Variants in GALC observed in about 807,000 individuals in gnomAD.
GALC encodes the protein galactosylceramidase, also known as galactocerebrosidase.
A neutral mutation model predicts 91.8 loss-of-function variants in GALC; 77 were observed. The ratio of observed to expected loss-of-function variants is 0.84; its 90% CI spans 0.70 to 1.01. The LOEUF (loss-of-function observed/expected upper bound fraction) is 1.01, where lower values mean the gene tolerates loss of function less well. Among genes scored for constraint, GALC ranks in the 50% least tolerant of loss-of-function variants. The pLI, the probability that GALC is intolerant of heterozygous loss-of-function variation, is 0.00. For missense variants in GALC, 882 were observed against 855.9 expected (o/e 1.03, Z -0.38); for synonymous variants, 357 against 306.7 (o/e 1.16, Z -1.71).
intron 13 of GALC, among the ~76,000 whole-genome samples, chr14:87,946,242 A>C (rs1042601475): frequency 1.3e-5 from 2 of 152,074 alleles, no homozygotes; most frequent in Non-Finnish European, 1.5e-5. Context: ...GAGCATAAGA[A>C]AGGTTTACTA....
At chr14:87,944,642 G>A (rs891601298) in intron 14 of GALC, among the ~76,000 whole-genome samples, 6 of 151,994 alleles carry the variant, frequency 3.9e-5, no homozygotes, top group Non-Finnish European at 7.4e-5. Flanking sequence ...GGTTCCAGGG[G>A]CTCTGGATAA....
In GALC at chr14:87,992,030, T is replaced by C. The variant is rs559346671; in HGVS notation, c.195+940A>G. 2.5e-4 allele frequency among the ~76,000 whole-genome samples: 38 copies of C among 152,198 alleles called. No homozygotes were observed. The East Asian group carries it at 3.3e-3, about 13-fold the overall frequency. On this transcript the variant is annotated intron_variant, in intron 1 of 16. Transcript: ENST00000261304. ...ATACACATCAGCACGGCTGGAGAGATTGCAAATTAGGGAATGAAAACATAA... is the reference window on the plus strand; with the variant it reads ...ATACACATCAGCACGGCTGGAGAGACTGCAAATTAGGGAATGAAAACATAA...
intron 6 of GALC, among the ~76,000 whole-genome samples, chr14:87,980,156 G>A (rs1053043295): frequency 6.6e-6 from 1 of 152,148 alleles, no homozygotes; most frequent in Non-Finnish European, 1.5e-5. Context: ...GCCGAGGCGG[G>A]CGGATCACAA....
chr14:87,993,664 A>C (rs1887341882), upstream of GALC: 1 of 603,208 alleles, frequency 1.7e-6, no homozygotes, highest in South Asian at 2.0e-5. Context: ...GTTAATAAGC[A>C]CTCAGTACAT....
chr14:87,974,172 A>T (rs992202809), intron 7 of GALC, among the ~76,000 whole-genome samples: 4 of 152,156 alleles, frequency 2.6e-5, no homozygotes, highest in Non-Finnish European at 4.4e-5. Flanking sequence ...GAGGAACTTT[A>T]AAAAAGCAAA....
At position 87,934,095 on chromosome 14, in the gene GALC, T is replaced by C; in HGVS notation, c.*637A>G. ...GCAAATAACCCAATTAATCTGCTAA[T>C]ATCTATTACTGCAGAAATAGTGTTA... On this transcript the variant is annotated 3_prime_UTR_variant, in exon 17 of 17. Coordinates refer to ENST00000261304, the MANE Select transcript of GALC (RefSeq NM_000153.4). 1 of 1,516,398 alleles carries C rather than the reference T, an allele frequency of 6.6e-7. No homozygotes were observed. 93.9% of individuals were successfully genotyped at this position (1,516,398 alleles called of 1,614,324 possible).
chr14:87,973,194 T>C (rs1886366076), intron 7 of GALC, among the ~76,000 whole-genome samples: 2 of 152,268 alleles, frequency 1.3e-5, no homozygotes, highest in South Asian at 4.1e-4. Context: ...AGGTCATAGA[T>C]AAACATCAAC....
chr14:87,953,631 C>T, intron 10 of GALC: 1 of 1,609,748 alleles, frequency 6.2e-7, no homozygotes, highest in Middle Eastern at 2.3e-4. Flanking sequence ...AAAGAAGCTG[C>T]ACCTCTGAAG....
chr14:87,946,356 T>C (rs1018272673), intron 13 of GALC, among the ~76,000 whole-genome samples: 2 of 152,064 alleles, frequency 1.3e-5, no homozygotes, highest in Non-Finnish European at 1.5e-5. Flanking sequence ...TAAATTAAAT[T>C]ATAGTCTTAC....
At chr14:87,976,512 T>G in intron 6 of GALC, 24 bp from the exon 7 acceptor site, 1 of 1,587,234 alleles carries the variant, frequency 6.3e-7, no homozygotes, top group Non-Finnish European at 8.6e-7. Context: ...AAACAGAACA[T>G]ATGAAAGGAT....
In GALC at chr14:87,986,578, T is replaced by C; in HGVS notation, c.353A>G (p.His118Arg). 1.9e-6 allele frequency: 3 copies of C among 1,613,510 alleles called. No homozygotes were observed. Among genetic ancestry groups the C allele is most frequent in the Non-Finnish European group, 2.5e-6 (3 of 1,179,504 alleles). Residue 118 changes from histidine to arginine, a missense_variant, in exon 4 of 17, where the codon CAT becomes CGT. Coordinates refer to ENST00000261304, the MANE Select transcript of GALC (RefSeq NM_000153.4). ...TTDGTEPSHM[H>R]YALDENYFRG... The stretch of plus-strand genomic sequence containing the variant: ...GAAATAATTCTCATCTAGTGCATAA[T>C]GCATGTGGGAGGGCTCAGTGCCGTC...
chr14:87,940,608 G>GT (rs1884792976), intron 15 of GALC, among the ~76,000 whole-genome samples: 1 of 151,914 alleles, frequency 6.6e-6, no homozygotes, highest in African/African-American at 2.4e-5. Flanking sequence ...TATCACTGAG[G>GT]TAAGTTCAGA....
In GALC at chr14:87,993,145, G is replaced by A; in HGVS notation, c.20C>T (p.Ser7Leu). The A allele has an allele frequency of 6.3e-7, 1 of 1,584,020 alleles. No individual in the cohort carries two copies. The highest frequency in any genetic ancestry group is 1.3e-5 in the African/African-American group (1 of 74,560). Residue 7 changes from serine (S) to leucine (L), a missense_variant, in exon 1 of 17, where the codon TCG (serine) becomes TTG (leucine). Physicochemically the swap from Ser to Leu is moderately radical, Grantham distance 145. Coordinates refer to ENST00000261304, the MANE Select transcript of GALC (RefSeq NM_000153.4). ...TTTCGCTCGGCGTTGCCAGGAAGCC[G>A]AGAGTAGCCACTCAGCCATTGTGTG... MAEWLL[S>L]ASWQRRAKAM...
chr14:87,939,827 C>T (rs1399305787), intron 16 of GALC, 78 bp downstream of exon 16: 5 of 1,031,196 alleles, frequency 4.8e-6, no homozygotes, highest in Non-Finnish European at 6.1e-6. Flanking sequence ...CTTTCCCCCT[C>T]CTATTTTATA....
chr14:87,972,955 A>G (rs984402060), intron 7 of GALC, among the ~76,000 whole-genome samples: 8 of 152,128 alleles, frequency 5.3e-5, no homozygotes, highest in African/African-American at 1.9e-4. Flanking sequence ...ATATATCTGG[A>G]AATGGTAAAG....
intron 10 of GALC, chr14:87,954,381 A>T (rs1885431223): frequency 1.9e-6 from 3 of 1,601,012 alleles, no homozygotes; most frequent in East Asian, 4.5e-5. Context: ...CAGGCCCAAG[A>T]TCAACATTAT....
chr14:87,992,513 C>T lies in GALC; in HGVS notation c.195+457G>A, dbSNP rs193002636. 390 of 1,530,668 alleles carry T rather than the reference C, an allele frequency of 2.5e-4. 5 individuals carry two copies. The East Asian group carries it at 7.2e-3, about 28-fold the overall frequency. 94.8% of individuals were successfully genotyped at this position (1,530,668 alleles called of 1,614,324 possible). A position where few individuals can be genotyped will look rare whatever the true frequency, so the allele number is the denominator to read the frequency against. The stretch of plus-strand genomic sequence containing the variant: ...TAACGACTCCACCACCCACCAACTC[C>T]TCCAAAAGGGAGAGACACAGCCAAA... On this transcript the variant is annotated intron_variant, in intron 1 of 16. Transcript: ENST00000261304.
intron 1 of GALC, chr14:87,992,543 C>G (rs1887248569): frequency 1.6e-5 from 24 of 1,516,656 alleles, no homozygotes; most frequent in Non-Finnish European, 2.1e-5. Context: ...GCCAAAGCAT[C>G]CCACTGGGGC....
intron 13 of GALC, among the ~76,000 whole-genome samples, chr14:87,946,251 T>C (rs1885066830): frequency 6.6e-6 from 1 of 152,104 alleles, no homozygotes; most frequent in African/African-American, 2.4e-5. Context: ...AAAGGTTTAC[T>C]ATATCAAGCA....
Sources: allele counts gnomAD v4.1 joint callset (sites outside exome capture counted in the v4.1 genomes callset), GRCh38; gene constraint gnomAD v4.1.1; transcripts MANE v1.5; gene names NCBI Gene and HGNC (gene_info 2026-07-23, HGNC 2026-07-21).